The following CFAP221 variants were observed in gnomAD, a reference collection of about 807,000 sequenced individuals.
The protein encoded by CFAP221 is cilia and flagella associated protein 221.
A neutral mutation model predicts 113.1 loss-of-function variants in CFAP221; 97 were observed. The ratio of observed to expected loss-of-function variants is 0.86; its 90% CI spans 0.73 to 1.02. The LOEUF (loss-of-function observed/expected upper bound fraction) is 1.02. Ranked by LOEUF, CFAP221 falls within the 50% of genes least tolerant of loss-of-function variation. The pLI is 0.00. For synonymous variants in CFAP221, 331 were observed against 354.4 expected, an observed-to-expected ratio of 0.93 and a Z score of 0.74; for missense variants, 1,025 against 1,013.4, an observed-to-expected ratio of 1.01 and a Z score of -0.16.
intron 19 of CFAP221, among the ~76,000 whole-genome samples, chr2:119,637,385 G>A (rs1479197433): frequency 1.3e-5 from 2 of 152,202 alleles, no homozygotes; most frequent in African/African-American, 4.8e-5. Context: ...ATGCATTCAG[G>A]TCTAGCTGCA....
intron 6 of CFAP221, among the ~76,000 whole-genome samples, chr2:119,567,155 T>C (rs1574017524): frequency 6.6e-6 from 1 of 152,222 alleles, no homozygotes. Context: ...GTCCATAGTT[T>C]AGGGTTCACT....
At chr2:119,645,789 G>A (rs1483076402) in intron 21 of CFAP221, among the ~76,000 whole-genome samples, 1 of 152,152 alleles carries the variant, frequency 6.6e-6, no homozygotes, top group Non-Finnish European at 1.5e-5. Flanking sequence ...TTCCTTCCGA[G>A]TGGGCTCCAG....
intron 3 of CFAP221, among the ~76,000 whole-genome samples, chr2:119,554,291 T>C (rs992743863): frequency 6.6e-6 from 1 of 152,248 alleles, no homozygotes; most frequent in Non-Finnish European, 1.5e-5. Context: ...CTAAAGGATC[T>C]GAAACATTTT....
rs1686646975 is a variant in CFAP221 at position 119,629,893 on chromosome 2, C to T, written c.1669C>T (p.Leu557=). 2 of 1,613,460 alleles carry T rather than the reference C, an allele frequency of 1.2e-6. No homozygotes were observed. The highest frequency in any genetic ancestry group is 4.5e-5 in the East Asian group (2 of 44,882). The change falls in exon 17 of 24, where the codon CTG becomes TTG. Residue 557 remains leucine (L), a synonymous_variant. Coordinates refer to ENST00000413369, the MANE Select transcript of CFAP221 (RefSeq NM_001271049.2). ...ATTTTAGGCTCCTGATGGCCTTGGACTGGTCCCAATTAAGTCTTCAGAAGT... is the reference window on the plus strand; with the variant it reads ...ATTTTAGGCTCCTGATGGCCTTGGATTGGTCCCAATTAAGTCTTCAGAAGT... The part of the protein sequence containing the change: ...SNELAPDGLG[L]VPIKSSEVQI...
rs553188186 is a variant in CFAP221, at chr2:119,610,310, G to T, written c.1222-1343G>T. Among the ~76,000 whole-genome samples, 25 of 152,264 alleles carry T rather than the reference G, an allele frequency of 1.6e-4. 1 individual carries two copies. Among genetic ancestry groups the T allele is most frequent in the African/African-American group, 5.5e-4 (23 of 41,548 alleles). On this transcript the variant is annotated intron_variant, in intron 12 of 23. Coordinates refer to ENST00000413369, the MANE Select transcript of CFAP221 (RefSeq NM_001271049.2). ...GTCCAGGGGATTTTATCTGAGAGCT[G>T]AGTCCTGGCAGGTGACCCAGTGGCA...
At chr2:119,614,878 A>T (rs147970399) in intron 13 of CFAP221, among the ~76,000 whole-genome samples, 9 of 152,100 alleles carry the variant, frequency 5.9e-5, no homozygotes, top group South Asian at 4.1e-4. Context: ...CCTCCTCCTC[A>T]CTAGATTTAT....
intron 14 of CFAP221, among the ~76,000 whole-genome samples, chr2:119,621,322 G>GA (rs1264200081): frequency 6.6e-6 from 1 of 151,858 alleles, no homozygotes; most frequent in East Asian, 1.9e-4. Flanking sequence ...ATGGTAAAGG[G>GA]ATCAACACAA....
intron 8 of CFAP221, chr2:119,602,666 C>T: frequency 2.0e-6 from 2 of 985,308 alleles, no homozygotes; most frequent in Non-Finnish European, 2.4e-6. Context: ...GAACCCAAAT[C>T]CTGCAAATAA....
chr2:119,564,291 C>T (rs989631318), intron 6 of CFAP221, among the ~76,000 whole-genome samples: 4 of 152,140 alleles, frequency 2.6e-5, no homozygotes, highest in Non-Finnish European at 5.9e-5. Flanking sequence ...TCAGCTGTTG[C>T]GTTGCCCTCC....
In CFAP221 at chr2:119,560,013, G is replaced by A. The variant is rs1191418386; in HGVS notation, c.413G>A (p.Arg138His). 41 of 1,516,708 alleles carry A rather than the reference G, an allele frequency of 2.7e-5. No individual in the cohort carries two copies. The highest frequency in any genetic ancestry group is 1.7e-4 in the Middle Eastern group (1 of 5,962). 94.0% of individuals were successfully genotyped at this position (1,516,708 alleles called of 1,614,324 possible). A position where few individuals can be genotyped will look rare whatever the true frequency, so the allele number is the denominator to read the frequency against. ...TGGCGATACTATTATGACTGCATCCGTGTTCACTGTAAGGTAGGTCTCTTA... is the reference window on the plus strand; with the variant it reads ...TGGCGATACTATTATGACTGCATCCATGTTCACTGTAAGGTAGGTCTCTTA... ...DEWRYYYDCIRVHCKGDDTLL... is the reference protein window; with the variant it reads ...DEWRYYYDCIHVHCKGDDTLL... The change falls in exon 5 of 24, where the codon CGT (arginine) becomes CAT (histidine). Residue 138 changes from arginine (R) to histidine (H), a missense_variant. Arg to His is a conservative substitution (Grantham distance 29, BLOSUM62 0). Transcript: ENST00000413369.
At chr2:119,654,148 C>T (rs1688291295) in intron 23 of CFAP221, among the ~76,000 whole-genome samples, 1 of 152,128 alleles carries the variant, frequency 6.6e-6, no homozygotes, top group African/African-American at 2.4e-5. Flanking sequence ...GTGATAGTTC[C>T]AGAGACCTGC....
intron 1 of CFAP221, among the ~76,000 whole-genome samples, chr2:119,544,890 G>A (rs891416915): frequency 6.6e-6 from 1 of 152,138 alleles, no homozygotes; most frequent in African/African-American, 2.4e-5. Flanking sequence ...CCTGGCTCCT[G>A]GGCCTGCCTG....
intron 7 of CFAP221, among the ~76,000 whole-genome samples, chr2:119,592,428 C>G (rs1683660865): frequency 6.6e-6 from 1 of 152,182 alleles, no homozygotes; most frequent in East Asian, 1.9e-4. Flanking sequence ...TGGGAAACAG[C>G]ATGCATGTAC....
chr2:119,582,519 G>T (rs1024010151), intron 6 of CFAP221, among the ~76,000 whole-genome samples: 1 of 149,872 alleles, frequency 6.7e-6, no homozygotes, highest in Non-Finnish European at 1.5e-5. Context: ...GCAGTGATGC[G>T]CTCTCGGCTC....
At chr2:119,613,696 A>G (rs1685333676) in intron 13 of CFAP221, among the ~76,000 whole-genome samples, 1 of 152,186 alleles carries the variant, frequency 6.6e-6, no homozygotes, top group South Asian at 2.1e-4. Flanking sequence ...CTAGGTCTCC[A>G]GACCTGTGAT....
intron 17 of CFAP221, among the ~76,000 whole-genome samples, chr2:119,630,319 A>G (rs1056104339): frequency 2.6e-5 from 4 of 152,346 alleles, no homozygotes; most frequent in Middle Eastern, 3.4e-3. Context: ...GTGTGCTTCT[A>G]CACTTAAGCC....
chr2:119,611,410 G>A lies in CFAP221; in HGVS notation c.1222-243G>A, dbSNP rs1043029712. Among the ~76,000 whole-genome samples the A allele has an allele frequency of 7.0e-5, 8 of 113,828 alleles. 1 individual carries two copies. Among genetic ancestry groups the A allele is most frequent in the Admixed American group, 1.1e-4 (1 of 9,330 alleles). The allele number at this position is 113,828 out of a possible 152,430, so 74.7% of individuals were successfully genotyped here. ...TGCACTCCAGCCTGGGTGACAGAGC[G>A]AGACAACGTCAAAAAAAAAAAAAAA... is the stretch of plus-strand genomic sequence containing the variant. On this transcript the variant is annotated intron_variant, in intron 12 of 23. Transcript: ENST00000413369.
downstream of CFAP221, among the ~76,000 whole-genome samples, chr2:119,657,406 G>A (rs554055491): frequency 1.8e-4 from 27 of 152,256 alleles, no homozygotes; most frequent in South Asian, 5.2e-3. Context: ...ATTCAATTAG[G>A]AAATGTGCAG....
intron 13 of CFAP221, among the ~76,000 whole-genome samples, chr2:119,612,158 C>A (rs945768288): frequency 6.6e-6 from 1 of 152,198 alleles, no homozygotes; most frequent in Non-Finnish European, 1.5e-5. Flanking sequence ...GATTTGGGAC[C>A]TTGGCAAGCC....
Sources: gnomAD v4.1 joint callset for allele counts (sites outside exome capture counted in the v4.1 genomes callset) on GRCh38, gnomAD v4.1.1 for gene constraint, MANE v1.5 for transcripts, NCBI Gene and HGNC (gene_info 2026-07-23, HGNC 2026-07-21) for gene names.